Variants in SETD7 observed in about 807,000 individuals in gnomAD.
SETD7 encodes SET domain containing 7, histone lysine methyltransferase.
In SETD7, 16 loss-of-function variants were observed where a neutral mutation model predicts 41.8. The observed-to-expected ratio is 0.38, with a 90% CI of 0.26 to 0.58. SETD7 has a LOEUF of 0.58. Ranked by LOEUF, SETD7 falls within the 20% of genes least tolerant of loss-of-function variation. The pLI is 0.64. For missense variants in SETD7, 346 were observed against 459.7 expected, an observed-to-expected ratio of 0.75 and a Z score of 2.26; for synonymous variants, 163 against 169.7, an observed-to-expected ratio of 0.96 and a Z score of 0.31.
intron 4 of SETD7, 27 bp from the exon 5 acceptor site, chr4:139,523,462 TA>T (rs1727237604): frequency 6.5e-7 from 1 of 1,535,498 alleles, no homozygotes; most frequent in African/African-American, 1.4e-5. Context: ...AATACCAGTA[TA>T]GGTGCAGAGT....
At chr4:139,524,470 GT>G (rs1727266215) in intron 4 of SETD7, among the ~76,000 whole-genome samples, 1 of 152,368 alleles carries the variant, frequency 6.6e-6, no homozygotes, top group East Asian at 1.9e-4. Flanking sequence ...AGAGGGCACA[GT>G]GCTGCTCCTG....
intron 6 of SETD7, among the ~76,000 whole-genome samples, chr4:139,518,271 G>A (rs756352738): frequency 3.3e-5 from 5 of 152,144 alleles, no homozygotes; most frequent in Non-Finnish European, 7.3e-5. Context: ...TGGAATTACA[G>A]GTGTGCACCA....
chr4:139,520,427 T>C, intron 5 of SETD7, 33 bp from the exon 6 acceptor site: 1 of 1,277,084 alleles, frequency 7.8e-7, no homozygotes, highest in Non-Finnish European at 1.1e-6. Context: ...TAGTGACCTT[T>C]TCAGCTTAAT....
chr4:139,500,752 G>C (rs550308431), intron 7 of SETD7, among the ~76,000 whole-genome samples: 4 of 152,262 alleles, frequency 2.6e-5, no homozygotes, highest in African/African-American at 9.6e-5. Context: ...CAGATGATCT[G>C]CCCACCTCAG....
chr4:139,529,716 T>G (rs899011023), intron 3 of SETD7, among the ~76,000 whole-genome samples: 9 of 152,202 alleles, frequency 5.9e-5, no homozygotes, highest in African/African-American at 2.2e-4. Flanking sequence ...AGGAAAATAT[T>G]CAGTTCAAAT....
chr4:139,524,452 G>A (rs1317191724), intron 4 of SETD7, among the ~76,000 whole-genome samples: 10 of 152,348 alleles, frequency 6.6e-5, no homozygotes, highest in Admixed American at 2.0e-4. Context: ...ACTGGAGGCC[G>A]GAGGGACAGA....
chr4:139,497,572 GT>G (rs1023063759), intron 7 of SETD7, among the ~76,000 whole-genome samples: 1 of 151,240 alleles, frequency 6.6e-6, no homozygotes, highest in African/African-American at 2.4e-5. Flanking sequence ...GAGTTTTCAT[GT>G]TTTTTTTGTT....
downstream of SETD7, among the ~76,000 whole-genome samples, chr4:139,503,252 G>A (rs1276338326): frequency 6.7e-6 from 1 of 149,720 alleles, no homozygotes; most frequent in Admixed American, 6.7e-5. Flanking sequence ...CCCAGTCAAA[G>A]AGATCAGTTG....
chr4:139,504,974 G>C (rs1205058644), downstream of SETD7, among the ~76,000 whole-genome samples: 1 of 152,152 alleles, frequency 6.6e-6, no homozygotes, highest in Non-Finnish European at 1.5e-5. Context: ...AGAGGGTGAA[G>C]CCTTGCCTGA....
At chr4:139,529,552 A>G (rs1418372571) in intron 3 of SETD7, among the ~76,000 whole-genome samples, 2 of 152,212 alleles carry the variant, frequency 1.3e-5, no homozygotes, top group East Asian at 1.9e-4. Flanking sequence ...TTTCTTTGAT[A>G]TTTGTAACAT....
chr4:139,546,694 GCA>G, intron 2 of SETD7: 1 of 571,328 alleles, frequency 1.8e-6, no homozygotes, highest in South Asian at 2.0e-5. Context: ...TTTTGGCCAA[GCA>G]CACTCTGGGA....
chr4:139,536,211 C>T (rs1727631914), intron 2 of SETD7, among the ~76,000 whole-genome samples: 8 of 152,198 alleles, frequency 5.3e-5, no homozygotes, highest in Admixed American at 5.2e-4. Flanking sequence ...CGAAAGTTTA[C>T]TCACTGACCT....
Position 139,511,287 on chromosome 4 carries a change from T to C in SETD7, c.*376A>G, listed in dbSNP as rs190482128. The C allele has an allele frequency of 4.1e-5, 11 of 268,116 alleles. No individual in the cohort carries two copies. The highest frequency in any genetic ancestry group is 2.9e-4 in the East Asian group (2 of 6,940). The allele number at this position is 268,116 out of a possible 1,614,324, so 16.6% of individuals were successfully genotyped here. A position where few individuals can be genotyped will look rare whatever the true frequency, so the allele number is the denominator to read the frequency against. On this transcript the variant is annotated 3_prime_UTR_variant, in exon 8 of 8. Transcript: ENST00000274031. ...GTGCTAACACAATTTGCACTGGCCA[T>C]AGGAAAAAAGCACTATGGAAAAACC...
chr4:139,512,251 C>T (rs1726896231), intron 7 of SETD7, among the ~76,000 whole-genome samples: 1 of 152,184 alleles, frequency 6.6e-6, no homozygotes, highest in Non-Finnish European at 1.5e-5. Context: ...CCAGCAGCAT[C>T]AGATTACGTG....
Position 139,538,929 on chromosome 4 carries a change from T to TA in SETD7, c.171-5564dup, listed in dbSNP as rs781167129. Among the ~76,000 whole-genome samples, 25 of 152,220 alleles carry TA rather than the reference T, an allele frequency of 1.6e-4. 1 individual carries two copies. Among genetic ancestry groups the TA allele is most frequent in the Non-Finnish European group, 2.9e-4 (20 of 68,038 alleles). ...TTTTCCTGTTTTATCCAACCTCTTG[T>TA]ACTTAAGAGTTAAATTTCGAGAAAT... On this transcript the variant is annotated intron_variant, in intron 2 of 7. Transcript: ENST00000274031.
chr4:139,542,810 G>C (rs533057849), intron 2 of SETD7, among the ~76,000 whole-genome samples: 27 of 152,208 alleles, frequency 1.8e-4, no homozygotes, highest in African/African-American at 5.1e-4. Context: ...CTAGTTATCT[G>C]GATATTTGAA....
In SETD7 at chr4:139,508,246, G is replaced by A. The variant is rs1726763763; in HGVS notation, c.*3417C>T. ...TTTCGAGTGTGAAGAACCCCCATAGGGCAAATAGGTTTAACTACAGTCCTA... is the reference window on the plus strand; with the variant it reads ...TTTCGAGTGTGAAGAACCCCCATAGAGCAAATAGGTTTAACTACAGTCCTA... On this transcript the variant is annotated 3_prime_UTR_variant, in exon 8 of 8. Transcript: ENST00000274031. 1 of 151,928 alleles carries A rather than the reference G, an allele frequency of 6.6e-6. No individual in the cohort carries two copies. The highest frequency in any genetic ancestry group is 1.9e-4 in the East Asian group (1 of 5,204). The allele number at this position is 151,928 out of a possible 1,614,324, so 9.4% of individuals were successfully genotyped here. A position where few individuals can be genotyped will look rare whatever the true frequency, so the allele number is the denominator to read the frequency against.
At chr4:139,526,642 T>C (rs1449462895) in intron 4 of SETD7, among the ~76,000 whole-genome samples, 2 of 152,136 alleles carry the variant, frequency 1.3e-5, no homozygotes, top group Admixed American at 6.5e-5. Flanking sequence ...CAGTGTTTTA[T>C]GGTAGGTGCT....
intron 7 of SETD7, among the ~76,000 whole-genome samples, chr4:139,513,793 G>A (rs1001619884): frequency 7.9e-5 from 12 of 152,174 alleles, no homozygotes; most frequent in Admixed American, 7.9e-4. Flanking sequence ...ACAAAATGGG[G>A]TCACATATAG....
Sources: gnomAD v4.1 joint callset for allele counts (sites outside exome capture counted in the v4.1 genomes callset) on GRCh38, gnomAD v4.1.1 for gene constraint, MANE v1.5 for transcripts, NCBI Gene and HGNC (gene_info 2026-07-23, HGNC 2026-07-21) for gene names.